The following HUNK variants were observed in gnomAD, a reference collection of about 807,000 sequenced individuals.
The protein encoded by HUNK is hormonally up-regulated Neu-associated kinase.
HUNK carries 21 observed loss-of-function variants against 61.0 expected under a neutral mutation model. That is an observed-to-expected ratio of 0.34 (90% confidence interval 0.24 to 0.50). The LOEUF is 0.50. HUNK is among the 20% of genes least tolerant of loss of function. HUNK has a pLI of 0.98. For missense variants in HUNK, 772 were observed against 945.7 expected (o/e 0.82, Z 2.41); for synonymous variants, 371 against 386.1 (o/e 0.96, Z 0.46).
In HUNK at chr21:32,002,680, G is replaced by A. The variant is rs1253799129; in HGVS notation, c.*3496G>A. On this transcript the variant is annotated 3_prime_UTR_variant, in exon 11 of 11. Transcript: ENST00000270112. ...GCCTTGGTCATGGATAGGGGAAGAG[G>A]GATGATGGGATGGAATGGGAGGGTG... 1.3e-5 allele frequency: 2 copies of A among 152,178 alleles called. No homozygotes were observed. Among genetic ancestry groups the A allele is most frequent in the Non-Finnish European group, 2.9e-5 (2 of 68,046 alleles). The allele number at this position is 152,178 out of a possible 1,614,324, so 9.4% of individuals were successfully genotyped here. A position where few individuals can be genotyped will look rare whatever the true frequency, so the allele number is the denominator to read the frequency against.
rs531716537 is a variant in HUNK, at chr21:31,879,370, C to T, written c.261+5435C>T. Among the ~76,000 whole-genome samples, 60 of 152,332 alleles carry T rather than the reference C, an allele frequency of 3.9e-4. No individual in the cohort carries two copies. The South Asian group carries it at 9.8e-3, about 25-fold the overall frequency. On this transcript the variant is annotated intron_variant, in intron 1 of 10. Coordinates refer to ENST00000270112, the MANE Select transcript of HUNK (RefSeq NM_014586.2). ...TGTGACAAGGCAGTGCCTGTAATTT[C>T]GAGGATTGCATTCTGCAGTTGCAGG...
In HUNK at chr21:31,910,490, CTT is replaced by C. The variant is rs34782673; in HGVS notation, c.262-13963_262-13962del. ...CTGCAGGGATTGGTTTCAGGATATC[CTT>C]TTTTTTTTTTTTTTGAGACTGAGTC... On this transcript the variant is annotated intron_variant, in intron 1 of 10. Coordinates refer to ENST00000270112, the MANE Select transcript of HUNK (RefSeq NM_014586.2). Among the ~76,000 whole-genome samples, 150 of 136,626 alleles carry C rather than the reference CTT, an allele frequency of 1.1e-3. 1 individual carries two copies. The highest frequency in any genetic ancestry group is 2.5e-3 in the African/African-American group (91 of 35,930). 89.6% of individuals were successfully genotyped at this position (136,626 alleles called of 152,430 possible).
intron 1 of HUNK, among the ~76,000 whole-genome samples, chr21:31,907,259 T>G (rs934305798): frequency 2.0e-5 from 3 of 152,054 alleles, no homozygotes; most frequent in Non-Finnish European, 2.9e-5. Flanking sequence ...CAAGACGTCA[T>G]AGTATGAAAA....
chr21:31,896,476 C>G (rs1426585563), intron 1 of HUNK, among the ~76,000 whole-genome samples: 1 of 152,198 alleles, frequency 6.6e-6, no homozygotes, highest in African/African-American at 2.4e-5. Context: ...TACCTGGAAA[C>G]AATCTCCTCC....
intron 1 of HUNK, among the ~76,000 whole-genome samples, chr21:31,888,482 T>A (rs149437788): frequency 3.1e-3 from 476 of 152,232 alleles, no homozygotes; most frequent in African/African-American, 0.011. Context: ...CACGCCTGTA[T>A]TCCCAGCACT....
rs117397979 is a variant in HUNK, at chr21:31,877,314, G to A, written c.261+3379G>A. Reference sequence around the variant, plus strand: ...GGTGAAATCCTTCATGGTTTGCTGGGAATCACTGTCTGAGTCCAGATGACA... The same window carrying A: ...GGTGAAATCCTTCATGGTTTGCTGGAAATCACTGTCTGAGTCCAGATGACA... On this transcript the variant is annotated intron_variant, in intron 1 of 10. Coordinates refer to ENST00000270112, the MANE Select transcript of HUNK (RefSeq NM_014586.2). 2.5e-3 allele frequency among the ~76,000 whole-genome samples: 381 copies of A among 152,208 alleles called. 6 individuals are homozygous for A. In the East Asian group the frequency reaches 0.042, roughly 17 times the overall value.
At chr21:31,909,375 C>G (rs987015599) in intron 1 of HUNK, among the ~76,000 whole-genome samples, 4 of 152,068 alleles carry the variant, frequency 2.6e-5, no homozygotes, top group African/African-American at 7.2e-5. Context: ...AGAGGATCCC[C>G]GGGAAAGTGG....
intron 2 of HUNK, among the ~76,000 whole-genome samples, chr21:31,939,647 A>T (rs1318761378): frequency 6.6e-6 from 1 of 150,860 alleles, no homozygotes; most frequent in Non-Finnish European, 1.5e-5. Context: ...ACCTCAGGTG[A>T]TCTGCCCACC....
chr21:31,971,889 C>T (rs1444555493), intron 6 of HUNK, among the ~76,000 whole-genome samples: 4 of 147,306 alleles, frequency 2.7e-5, no homozygotes, highest in Non-Finnish European at 3.0e-5. Context: ...AGTTCAGTGG[C>T]GCAATCACAG....
intron 3 of HUNK, among the ~76,000 whole-genome samples, chr21:31,941,346 G>A (rs982108755): frequency 1.4e-5 from 2 of 148,072 alleles, no homozygotes; most frequent in South Asian, 2.1e-4. Context: ...TCCCTCTGTT[G>A]CCCAGGCTGG....
chr21:31,898,335 G>A (rs1397062965), intron 1 of HUNK, among the ~76,000 whole-genome samples: 1 of 152,030 alleles, frequency 6.6e-6, no homozygotes, highest in Non-Finnish European at 1.5e-5. Context: ...GCGCGATCTC[G>A]GCTCACTGCA....
chr21:31,883,419 C>T (rs971329275), intron 1 of HUNK, among the ~76,000 whole-genome samples: 2 of 152,080 alleles, frequency 1.3e-5, no homozygotes, highest in African/African-American at 2.4e-5. Context: ...ACTGTTTGTA[C>T]TTCATTTCTG....
chr21:31,961,729 G>A (rs1368765998), intron 5 of HUNK, among the ~76,000 whole-genome samples: 1 of 152,156 alleles, frequency 6.6e-6, no homozygotes, highest in Non-Finnish European at 1.5e-5. Context: ...GTTTCTTTGA[G>A]GGTTCAGAGC....
At chr21:31,951,191 A>T (rs200574463) in intron 4 of HUNK, among the ~76,000 whole-genome samples, 1 of 147,816 alleles carries the variant, frequency 6.8e-6, no homozygotes, top group Non-Finnish European at 1.5e-5. Flanking sequence ...TATATGTATA[A>T]ATATATATAT....
intron 1 of HUNK, among the ~76,000 whole-genome samples, chr21:31,892,222 G>C (rs2052395812): frequency 6.7e-6 from 1 of 149,564 alleles, no homozygotes; most frequent in Admixed American, 6.7e-5. Flanking sequence ...GTGTGTGTGT[G>C]TGTGTGTGTA....
chr21:31,960,715 C>A (rs918560597), intron 5 of HUNK, among the ~76,000 whole-genome samples: 2 of 152,144 alleles, frequency 1.3e-5, no homozygotes, highest in Non-Finnish European at 2.9e-5. Flanking sequence ...TCTCGTGAGA[C>A]TTATTCACTA....
intron 5 of HUNK, 95 bp from the exon 6 acceptor site, chr21:31,968,155 G>A: frequency 6.8e-7 from 1 of 1,464,956 alleles, no homozygotes; most frequent in Non-Finnish European, 9.4e-7. Flanking sequence ...CTCGGGATGG[G>A]CAGGCAAGGT....
intron 7 of HUNK, 43 bp downstream of exon 7, chr21:31,974,760 A>G (rs1722323299): frequency 6.5e-7 from 1 of 1,533,518 alleles, no homozygotes; most frequent in African/African-American, 1.4e-5. Flanking sequence ...TGTCTGTGGA[A>G]AAAAGAGCTC....
chr21:31,894,243 G>T (rs1007930555), intron 1 of HUNK, among the ~76,000 whole-genome samples: 1 of 152,136 alleles, frequency 6.6e-6, no homozygotes, highest in African/African-American at 2.4e-5. Context: ...AGGGCCTAGG[G>T]GAAGGGAAAG....
Sources: gnomAD v4.1 joint callset for allele counts (sites outside exome capture counted in the v4.1 genomes callset) on GRCh38, gnomAD v4.1.1 for gene constraint, MANE v1.5 for transcripts, NCBI Gene and HGNC (gene_info 2026-07-23, HGNC 2026-07-21) for gene names.